APCDD1: variants seen among roughly 807,000 people sequenced by gnomAD.
The protein encoded by APCDD1 is protein APCDD1.
Under a neutral mutation model 38.1 loss-of-function variants are expected in APCDD1, and 15 were observed. That is an observed-to-expected ratio of 0.39 (90% CI 0.26 to 0.61). The LOEUF (loss-of-function observed/expected upper bound fraction) is 0.61. Ranked by LOEUF, APCDD1 falls within the 20% of genes least tolerant of loss-of-function variation. The probability of loss-of-function intolerance (pLI) is 0.49; values close to 1 mark genes in which losing one functional copy is unlikely to be tolerated. For synonymous variants in APCDD1, 261 were observed against 279.7 expected, an observed-to-expected ratio of 0.93 and a Z score of 0.67; for missense variants, 647 against 696.2, an observed-to-expected ratio of 0.93 and a Z score of 0.79.
At chr18:10,482,217 T>C (rs769356119) in intron 3 of APCDD1, among the ~76,000 whole-genome samples, 6 of 152,228 alleles carry the variant, frequency 3.9e-5, no homozygotes, top group African/African-American at 7.2e-5. Flanking sequence ...ATTAAATCTT[T>C]TCAGGAATTG....
Position 10,471,912 on chromosome 18 carries a change from C to A in APCDD1, c.625C>A (p.Leu209Ile). 1 of 1,614,184 alleles carries A rather than the reference C, an allele frequency of 6.2e-7. No individual in the cohort carries two copies. Among genetic ancestry groups the A allele is most frequent in the Non-Finnish European group, 8.5e-7 (1 of 1,180,044 alleles). ...GGCCGTGAACTTTGCCATGCATGAA[C>A]TTCAGCTCATCCGGGTGGAGAAGCA... ...TKAVNFAMHE[L>I]QLIRVEKQYL... Residue 209 changes from leucine to isoleucine, a missense_variant, in exon 3 of 5, where the codon CTT becomes ATT. By Grantham distance (5) the Leu-to-Ile change is conservative. Coordinates refer to ENST00000355285, the MANE Select transcript of APCDD1 (RefSeq NM_153000.5). This position sits in a 1 kb window ranked among gnomAD's most constrained non-coding sequence, Gnocchi z 5.5.
In APCDD1 at chr18:10,489,698, C is replaced by CA. The variant is rs35358902; in HGVS notation, c.*1674dup. On this transcript the variant is annotated 3_prime_UTR_variant, in exon 5 of 5. Coordinates refer to ENST00000355285, the MANE Select transcript of APCDD1 (RefSeq NM_153000.5). ...TGGGCAACAGAGCGAGACTCCATCT[C>CA]AAAAAAAAAAAAAAGTAACTTTATG... 5,016 of 137,096 alleles carry CA rather than the reference C, an allele frequency of 0.037. 282 individuals carry two copies. Among genetic ancestry groups the CA allele is most frequent in the African/African-American group, 0.12 (4,640 of 37,930 alleles). 8.5% of individuals were successfully genotyped at this position (137,096 alleles called of 1,614,324 possible).
chr18:10,457,597 G>A lies in APCDD1; in HGVS notation c.58+2558G>A, dbSNP rs1269378767. Among the ~76,000 whole-genome samples, 3 of 152,274 alleles carry A rather than the reference G, an allele frequency of 2.0e-5. No individual in the cohort carries two copies. The East Asian group carries it at 5.8e-4, about 29-fold the overall frequency. On this transcript the variant is annotated intron_variant, in intron 1 of 4. Transcript: ENST00000355285. ...AGTAGATAAAAGCATTTGTTCTATG[G>A]TGTTGGATGTTCCTGTGATAAACTT...
In APCDD1 at chr18:10,467,997, C is replaced by T. The variant is rs1194547229; in HGVS notation, c.59-472C>T. Among the ~76,000 whole-genome samples, 1 of 152,194 alleles carries T rather than the reference C, an allele frequency of 6.6e-6. No individual in the cohort carries two copies. Among genetic ancestry groups the T allele is most frequent in the African/African-American group, 2.4e-5 (1 of 41,450 alleles). On this transcript the variant is annotated intron_variant, in intron 1 of 4. Transcript: ENST00000355285. The surrounding 1 kb of genome is among the most constrained non-coding windows in gnomAD (Gnocchi z 4.8). The stretch of plus-strand genomic sequence containing the variant: ...GTCTCCTTGTTCTTTCCTTTCCTCA[C>T]CTAAATCTGTCATTGTGTAAATTCA...
intron 1 of APCDD1, among the ~76,000 whole-genome samples, chr18:10,460,072 C>T (rs919230503): frequency 3.9e-5 from 6 of 152,126 alleles, no homozygotes; most frequent in African/African-American, 1.4e-4. Flanking sequence ...TAGTTTAGCC[C>T]CACGTGTGCT....
At position 10,487,906 on chromosome 18, in the gene APCDD1, G is replaced by A. The variant is rs1244440672; in HGVS notation, c.1413G>A (p.Pro471=). The change falls in exon 5 of 5, where the codon CCG becomes CCA. Residue 471 remains proline, a synonymous_variant. Coordinates refer to ENST00000355285, the MANE Select transcript of APCDD1 (RefSeq NM_153000.5). ...MPLVQCASSS[P]RAEDLAEDSG... is the part of the protein sequence containing the mutation. ...TGGTCCAGTGTGCCTCCTCTTCGCCGAGGGCAGAGGACCTCGCAGAAGACA... is the reference window on the plus strand; with the variant it reads ...TGGTCCAGTGTGCCTCCTCTTCGCCAAGGGCAGAGGACCTCGCAGAAGACA... The A allele has an allele frequency of 3.1e-6, 5 of 1,613,094 alleles. No individual in the cohort carries two copies. Among genetic ancestry groups the A allele is most frequent in the South Asian group, 1.1e-5 (1 of 91,050 alleles).
rs1372444535 is a variant in APCDD1, at chr18:10,469,228, A to C, written c.242+576A>C. Among the ~76,000 whole-genome samples, 2 of 151,862 alleles carry C rather than the reference A, an allele frequency of 1.3e-5. No individual in the cohort carries two copies. The highest frequency in any genetic ancestry group is 3.9e-4 in the East Asian group (2 of 5,166). On this transcript the variant is annotated intron_variant, in intron 2 of 4. Coordinates refer to ENST00000355285, the MANE Select transcript of APCDD1 (RefSeq NM_153000.5). The surrounding 1 kb of genome is among the most constrained non-coding windows in gnomAD (Gnocchi z 5.5). ...GGCAGATCTGCGATTTTTTTTTTCT[A>C]CCCATTAGATTGCTGAGAATTAACA...
Position 10,481,130 on chromosome 18 carries a change from G to T in APCDD1, c.775-4332G>T, listed in dbSNP as rs115359173. Among the ~76,000 whole-genome samples the T allele has an allele frequency of 9.9e-3, 1,503 of 152,298 alleles. 30 individuals carry two copies. Among genetic ancestry groups the T allele is most frequent in the African/African-American group, 0.035 (1,445 of 41,568 alleles). On this transcript the variant is annotated intron_variant, in intron 3 of 4. Coordinates refer to ENST00000355285, the MANE Select transcript of APCDD1 (RefSeq NM_153000.5). ...AATGTAAAATGATTGAGCCACTCCA[G>T]AAAATGGTACGGTGGTTCCCCCCAA...
Position 10,470,435 on chromosome 18 carries a change from G to A in APCDD1, c.243-1095G>A, listed in dbSNP as rs376465339. On this transcript the variant is annotated intron_variant, in intron 2 of 4. Coordinates refer to ENST00000355285, the MANE Select transcript of APCDD1 (RefSeq NM_153000.5). The surrounding 1 kb of genome is among the most constrained non-coding windows in gnomAD (Gnocchi z 4.1). ...CAGTTGTCAAACGTTACATAGCAACGGTACCCCTGTCTAAATAATGCTTAT... is the reference window on the plus strand; with the variant it reads ...CAGTTGTCAAACGTTACATAGCAACAGTACCCCTGTCTAAATAATGCTTAT... Among the ~76,000 whole-genome samples the A allele has an allele frequency of 7.2e-5, 11 of 152,230 alleles. No individual in the cohort carries two copies. The highest frequency in any genetic ancestry group is 1.4e-4 in the African/African-American group (6 of 41,534).
chr18:10,483,373 G>A lies in APCDD1; in HGVS notation c.775-2089G>A, dbSNP rs78882612. 2.7e-3 allele frequency among the ~76,000 whole-genome samples: 408 copies of A among 152,348 alleles called. 2 individuals are homozygous for A. The highest frequency in any genetic ancestry group is 9.2e-3 in the African/African-American group (384 of 41,586). ...AAAAATGCACGTAGAGCTTGGGGAC[G>A]CCCAGGACTTGGCCTTCATCTCAAT... On this transcript the variant is annotated intron_variant, in intron 3 of 4. Coordinates refer to ENST00000355285, the MANE Select transcript of APCDD1 (RefSeq NM_153000.5).
rs773464443 is a variant in APCDD1 at position 10,485,424 on chromosome 18, G to C, written c.775-38G>C. On this transcript the variant is annotated intron_variant, in intron 3 of 4. Coordinates refer to ENST00000355285, the MANE Select transcript of APCDD1 (RefSeq NM_153000.5). This position sits in a 1 kb window ranked among gnomAD's most constrained non-coding sequence, Gnocchi z 5.8. ...CATGTGTGCACTGCTCCCTTGGGAA[G>C]ATAGAGGCCTCTGAATGTGTTTGTT... 5.0e-6 allele frequency: 8 copies of C among 1,610,506 alleles called. No homozygotes were observed. In the South Asian group the frequency reaches 8.8e-5, roughly 18 times the overall value.
chr18:10,456,747 C>G (rs773529084), intron 1 of APCDD1, among the ~76,000 whole-genome samples: 8 of 152,144 alleles, frequency 5.3e-5, no homozygotes, highest in African/African-American at 9.7e-5. Flanking sequence ...CCAAGTATAT[C>G]CTCAATGAAG....
chr18:10,455,638 G>A (rs994637265), intron 1 of APCDD1, among the ~76,000 whole-genome samples: 6 of 152,128 alleles, frequency 3.9e-5, no homozygotes, highest in Non-Finnish European at 7.3e-5. Context: ...AAGAAACAGG[G>A]GACCCCTATT....
At chr18:10,464,151 C>T (rs886652195) in intron 1 of APCDD1, among the ~76,000 whole-genome samples, 3 of 152,102 alleles carry the variant, frequency 2.0e-5, no homozygotes, top group Non-Finnish European at 2.9e-5. Context: ...CCTCCTTTCC[C>T]GTGTGACTCT....
At chr18:10,456,502 T>C (rs2030385534) in intron 1 of APCDD1, among the ~76,000 whole-genome samples, 1 of 152,198 alleles carries the variant, frequency 6.6e-6, no homozygotes, top group South Asian at 2.1e-4. Context: ...AGAAAAAAGA[T>C]AGTATGGTCA....
At chr18:10,458,129 A>G (rs2030429016) in intron 1 of APCDD1, among the ~76,000 whole-genome samples, 1 of 152,238 alleles carries the variant, frequency 6.6e-6, no homozygotes, top group South Asian at 2.1e-4. Context: ...GGTATCCAGA[A>G]TAAGTGTGAC....
intron 3 of APCDD1, among the ~76,000 whole-genome samples, chr18:10,481,140 C>T (rs936997761): frequency 6.6e-5 from 10 of 152,124 alleles, no homozygotes; most frequent in African/African-American, 9.7e-5. Context: ...GAAAATGGTA[C>T]GGTGGTTCCC....
Position 10,455,001 on chromosome 18 carries a change from T to A in APCDD1, c.20T>A (p.Leu7His). MSWPRRLLLRYLFPALL... is the reference protein window; with the variant it reads MSWPRRHLLRYLFPALL... ...CTGGAAATGTCCTGGCCGCGCCGCC[T>A]CCTGCTCAGATACCTGTTCCCGGCC... Residue 7 changes from leucine (L) to histidine (H), a missense_variant, in exon 1 of 5, where the codon CTC becomes CAC. Leu to His is a moderately conservative substitution (Grantham distance 99). Transcript: ENST00000355285. 1 of 1,561,226 alleles carries A rather than the reference T, an allele frequency of 6.4e-7. No individual in the cohort carries two copies.
In APCDD1 at chr18:10,485,211, A is replaced by G. The variant is rs1416329901; in HGVS notation, c.775-251A>G. ...TCCAGTGCATGTGGTCTGAAAACTT[A>G]ATAGGATTCTAAAGTGTCCACATCA... On this transcript the variant is annotated intron_variant, in intron 3 of 4. Transcript: ENST00000355285. This position sits in a 1 kb window ranked among gnomAD's most constrained non-coding sequence, Gnocchi z 5.8. Among the ~76,000 whole-genome samples the G allele has an allele frequency of 1.3e-5, 2 of 152,196 alleles. No individual in the cohort carries two copies.
Sources: gnomAD v4.1 joint callset for allele counts (sites outside exome capture counted in the v4.1 genomes callset) on GRCh38, gnomAD v4.1.1 for gene constraint, Gnocchi (gnomAD v3.1) non-coding constraint, MANE v1.5 for transcripts, NCBI Gene and HGNC (gene_info 2026-07-23, HGNC 2026-07-21) for gene names.